Variants in CLMP observed in about 807,000 individuals in gnomAD.
CLMP encodes the protein CXADR like cell adhesion molecule, also known as CXADR-like membrane protein.
In CLMP, 27 loss-of-function variants were observed where a neutral mutation model predicts 45.2. That is an observed-to-expected ratio of 0.60 (90% CI 0.44 to 0.82). CLMP has a LOEUF of 0.82. Among genes scored for constraint, CLMP ranks in the 40% least tolerant of loss-of-function variants. The pLI, the probability that CLMP is intolerant of heterozygous loss-of-function variation, is 0.00. For missense variants in CLMP, 403 were observed against 448.4 expected, an observed-to-expected ratio of 0.90 and a Z score of 0.91; for synonymous variants, 167 against 171.4, an observed-to-expected ratio of 0.97 and a Z score of 0.20.
chr11:123,125,452 TTCCC>T (rs2135503341), intron 1 of CLMP, among the ~76,000 whole-genome samples: 1 of 115,538 alleles, frequency 8.7e-6, no homozygotes, highest in East Asian at 2.6e-4. Flanking sequence ...TCACTCTCCC[TTCCC>T]TCCCTCCCTC....
chr11:123,189,889 C>T (rs1861883001), intron 1 of CLMP, among the ~76,000 whole-genome samples: 1 of 151,694 alleles, frequency 6.6e-6, no homozygotes, highest in Admixed American at 6.6e-5. Flanking sequence ...GTAATCCCAG[C>T]TACTCAGGAG....
intron 1 of CLMP, among the ~76,000 whole-genome samples, chr11:123,190,502 G>A (rs187463034): frequency 3.3e-4 from 51 of 152,278 alleles, no homozygotes; most frequent in Non-Finnish European, 7.4e-5. Flanking sequence ...AGAAAACTAA[G>A]GCTCAGAGTG....
At chr11:123,194,282 T>G (rs1428092566) in intron 1 of CLMP, among the ~76,000 whole-genome samples, 1 of 152,144 alleles carries the variant, frequency 6.6e-6, no homozygotes. Flanking sequence ...TTTCCAAGTC[T>G]TCTTCACTCT....
At chr11:123,078,571 C>T (rs551109359) in intron 5 of CLMP, among the ~76,000 whole-genome samples, 3 of 151,876 alleles carry the variant, frequency 2.0e-5, no homozygotes, top group Middle Eastern at 3.4e-3. Context: ...CTCAGCCTCC[C>T]GAGTAGCTGG....
intron 1 of CLMP, among the ~76,000 whole-genome samples, chr11:123,158,811 C>T (rs79932610): frequency 0.015 from 2,220 of 152,278 alleles, 24 homozygotes; most frequent in Non-Finnish European, 0.022. Context: ...AGGTTGTTTT[C>T]ATTTACAAAG....
At chr11:123,191,528 C>G (rs915340524) in intron 1 of CLMP, 2 of 152,182 alleles carry the variant, frequency 1.3e-5, no homozygotes, top group South Asian at 2.1e-4. Context: ...CTGGTACTAG[C>G]ACACACGATA....
intron 1 of CLMP, among the ~76,000 whole-genome samples, chr11:123,120,526 C>T (rs1860800401): frequency 6.6e-6 from 1 of 152,048 alleles, no homozygotes; most frequent in Non-Finnish European, 1.5e-5. Context: ...GTTCTTTATC[C>T]TCTCTTAGTT....
intron 5 of CLMP, among the ~76,000 whole-genome samples, chr11:123,079,532 C>T (rs1865777183): frequency 6.6e-6 from 1 of 152,164 alleles, no homozygotes; most frequent in Admixed American, 6.6e-5. Context: ...CAGCTTACTG[C>T]AACCTCCACC....
chr11:123,091,176 C>T (rs1375729303), intron 2 of CLMP, among the ~76,000 whole-genome samples: 1 of 152,144 alleles, frequency 6.6e-6, no homozygotes, highest in Non-Finnish European at 1.5e-5. Flanking sequence ...ACAATCTTGG[C>T]TCACTGCAAC....
At chr11:123,104,634 C>T (rs1860509515) in intron 1 of CLMP, among the ~76,000 whole-genome samples, 1 of 151,980 alleles carries the variant, frequency 6.6e-6, no homozygotes, top group Admixed American at 6.6e-5. Context: ...GATCCACCCG[C>T]CTCAGCCTCC....
rs145192755 is a variant in CLMP at position 123,156,163 on chromosome 11, C to T, written c.28+38750G>A. ...AGAGAGCTCACTCTCTCTCCCCTCA[C>T]GCACAGGCACTGAGGAAAGGCCGTG... On this transcript the variant is annotated intron_variant, in intron 1 of 6. Coordinates refer to ENST00000448775, the MANE Select transcript of CLMP (RefSeq NM_024769.5). 4.7e-4 allele frequency among the ~76,000 whole-genome samples: 71 copies of T among 152,304 alleles called. No homozygotes were observed. The East Asian group carries it at 8.1e-3, about 17-fold the overall frequency.
At chr11:123,187,098 C>CA (rs1274367356) in intron 1 of CLMP, among the ~76,000 whole-genome samples, 8 of 152,104 alleles carry the variant, frequency 5.3e-5, no homozygotes, top group Non-Finnish European at 1.0e-4. Context: ...GTAATTTTCA[C>CA]AAAAAAACCT....
chr11:123,080,440 G>A (rs981190733), intron 5 of CLMP, among the ~76,000 whole-genome samples: 3 of 150,720 alleles, frequency 2.0e-5, no homozygotes, highest in Non-Finnish European at 4.4e-5. Flanking sequence ...TGATTCTCCT[G>A]CCTTGGCCTC....
At chr11:123,169,924 A>G (rs1445971899) in intron 1 of CLMP, among the ~76,000 whole-genome samples, 1 of 152,222 alleles carries the variant, frequency 6.6e-6, no homozygotes, top group African/African-American at 2.4e-5. Context: ...AAAGACCTGC[A>G]ATCAATAGAA....
At chr11:123,109,059 CAAAA>C (rs776811883) in intron 1 of CLMP, among the ~76,000 whole-genome samples, 4 of 64,272 alleles carry the variant, frequency 6.2e-5, no homozygotes, top group Admixed American at 1.7e-4. Context: ...AACTCTGTCT[CAAAA>C]AAAAAAAAAA....
Position 123,073,024 on chromosome 11 carries a change from C to G in CLMP, c.*450G>C, listed in dbSNP as rs1865690986. ...GACAGGTGTAATAAGGCTGTGGGTT[C>G]TGCTTGACTGTCTGAATAACTAATA... On this transcript the variant is annotated 3_prime_UTR_variant, in exon 7 of 7. Transcript: ENST00000448775. The G allele has an allele frequency of 6.2e-6, 1 of 160,100 alleles. No homozygotes were observed. The highest frequency in any genetic ancestry group is 2.4e-5 in the African/African-American group (1 of 41,610). 9.9% of individuals were successfully genotyped at this position (160,100 alleles called of 1,614,324 possible). A position where few individuals can be genotyped will look rare whatever the true frequency, so the allele number is the denominator to read the frequency against.
intron 1 of CLMP, among the ~76,000 whole-genome samples, chr11:123,121,453 AG>A (rs1860816960): frequency 6.6e-6 from 1 of 152,006 alleles, no homozygotes; most frequent in South Asian, 2.1e-4. Context: ...ATGTGCCACC[AG>A]GCCCATCTAA....
At chr11:123,186,890 T>C (rs987805216) in intron 1 of CLMP, among the ~76,000 whole-genome samples, 1 of 152,074 alleles carries the variant, frequency 6.6e-6, no homozygotes. Context: ...GACTCACCTA[T>C]AGGGTGAGGA....
At chr11:123,104,068 G>A (rs1860496762) in intron 1 of CLMP, among the ~76,000 whole-genome samples, 1 of 148,438 alleles carries the variant, frequency 6.7e-6, no homozygotes, top group African/African-American at 2.5e-5. Flanking sequence ...GACCTCAGGT[G>A]ATCAGCCCGC....
Sources: allele counts gnomAD v4.1 joint callset (sites outside exome capture counted in the v4.1 genomes callset), GRCh38; gene constraint gnomAD v4.1.1; transcripts MANE v1.5; gene names NCBI Gene and HGNC (gene_info 2026-07-23, HGNC 2026-07-21).